The following CFAP53 variants were observed in gnomAD, a reference collection of about 807,000 sequenced individuals.
The protein encoded by CFAP53 is cilia- and flagella-associated protein 53.
In CFAP53, 62 loss-of-function variants were observed where a neutral mutation model predicts 59.7. The ratio of observed to expected loss-of-function variants is 1.04; its 90% CI spans 0.85 to 1.28. The LOEUF is 1.28. CFAP53 is among the 50% of genes most tolerant of loss of function. The probability of loss-of-function intolerance (pLI) is 0.00; values close to 1 mark genes in which losing one functional copy is unlikely to be tolerated. For missense variants in CFAP53, 629 were observed against 615.6 expected, an observed-to-expected ratio of 1.02 and a Z score of -0.23; for synonymous variants, 218 against 205.7, an observed-to-expected ratio of 1.06 and a Z score of -0.51.
At chr18:50,264,454 A>G (rs2033919538) in intron 1 of CFAP53, among the ~76,000 whole-genome samples, 1 of 152,212 alleles carries the variant, frequency 6.6e-6, no homozygotes, top group Non-Finnish European at 1.5e-5. Flanking sequence ...TCACCTGTCA[A>G]ATGAGCAAAA....
At chr18:50,241,288 T>A (rs149305241) in intron 6 of CFAP53, among the ~76,000 whole-genome samples, 1 of 152,262 alleles carries the variant, frequency 6.6e-6, no homozygotes, top group African/African-American at 2.4e-5. Context: ...AAACTTTGAG[T>A]ATGGTCTCCA....
At chr18:50,240,205 C>T (rs183723352) in intron 6 of CFAP53, among the ~76,000 whole-genome samples, 22 of 152,130 alleles carry the variant, frequency 1.4e-4, no homozygotes, top group Admixed American at 1.2e-3. Context: ...AGATTACCTG[C>T]TCCACCCTGA....
intron 4 of CFAP53, 62 bp downstream of exon 4, chr18:50,251,419 C>A: frequency 1.4e-6 from 2 of 1,426,366 alleles, no homozygotes; most frequent in South Asian, 1.3e-5. Flanking sequence ...CTGTAACAGG[C>A]CTGCAAACTG....
rs971346325 is a variant in CFAP53 at position 50,243,034 on chromosome 18, A to G, written c.1079T>C (p.Phe360Ser). The G allele has an allele frequency of 6.2e-7, 1 of 1,613,826 alleles. No homozygotes were observed. Among genetic ancestry groups the G allele is most frequent in the Non-Finnish European group, 8.5e-7 (1 of 1,179,966 alleles). ...REEEKAQEKE[F>S]DRILEEDKAK... ...CTTGTCTTCCTCTAATATTCTGTCA[A>G]ATTCTTTCTCCTGAGCTTTTTCTTC... The change falls in exon 6 of 8, where the codon TTT becomes TCT. Residue 360 changes from phenylalanine to serine, a missense_variant. Transcript: ENST00000398545.
intron 7 of CFAP53, among the ~76,000 whole-genome samples, chr18:50,233,269 C>T (rs1379186785): frequency 6.6e-6 from 1 of 152,142 alleles, no homozygotes; most frequent in East Asian, 1.9e-4. Flanking sequence ...TTTTAAACCT[C>T]CCTTAAAAAT....
chr18:50,250,645 G>A (rs1463016522), intron 5 of CFAP53, 113 bp downstream of exon 5: 12 of 795,142 alleles, frequency 1.5e-5, no homozygotes, highest in Admixed American at 1.5e-4. Flanking sequence ...CTGTTGGCTT[G>A]TGGACCACAC....
At chr18:50,242,818 G>C (rs1053019449) in intron 6 of CFAP53, 82 bp downstream of exon 6, 1 of 1,120,526 alleles carries the variant, frequency 8.9e-7, no homozygotes, top group East Asian at 2.3e-5. Context: ...TACATAATAA[G>C]TATTATGGTT....
chr18:50,256,643 CT>C (rs1279882170), intron 3 of CFAP53, among the ~76,000 whole-genome samples: 1 of 151,994 alleles, frequency 6.6e-6, no homozygotes, highest in African/African-American at 2.4e-5. Context: ...CTTACTTCTC[CT>C]TTTGGCCTCT....
intron 2 of CFAP53, among the ~76,000 whole-genome samples, chr18:50,261,558 G>GT (rs2033894363): frequency 6.6e-6 from 1 of 151,480 alleles, no homozygotes; most frequent in Admixed American, 6.6e-5. Flanking sequence ...ATGCCCAGCT[G>GT]TTTTTTTATT....
chr18:50,248,701 C>T (rs1459013844), intron 5 of CFAP53, among the ~76,000 whole-genome samples: 1 of 150,662 alleles, frequency 6.6e-6, no homozygotes, highest in African/African-American at 2.4e-5. Context: ...AGGAGAATCA[C>T]TTGAACCCGG....
rs1042885979 is a variant in CFAP53, at chr18:50,227,491, C to G, written c.1435G>C (p.Ala479Pro). 3 of 1,614,012 alleles carry G rather than the reference C, an allele frequency of 1.9e-6. No individual in the cohort carries two copies. Residue 479 changes from alanine (A) to proline (P), a missense_variant, in exon 8 of 8, where the codon GCA becomes CCA. Ala to Pro is a conservative substitution (Grantham distance 27). Transcript: ENST00000398545. ...ACCTTGTCCAAACACATCTTGTTTGCTGCTACACCTGCTTCAAACTCTCGG... is the reference window on the plus strand; with the variant it reads ...ACCTTGTCCAAACACATCTTGTTTGGTGCTACACCTGCTTCAAACTCTCGG... ...KRREFEAGVA[A>P]NKMCLDKVQE...
intron 4 of CFAP53, 76 bp from the exon 5 acceptor site, chr18:50,251,052 T>C (rs931814977): frequency 8.1e-7 from 1 of 1,228,402 alleles, no homozygotes; most frequent in Non-Finnish European, 1.2e-6. Context: ...ACTTCAGAGA[T>C]GGGAATAAAG....
intron 5 of CFAP53, among the ~76,000 whole-genome samples, chr18:50,247,630 TAAAC>T (rs996585426): frequency 5.9e-5 from 9 of 152,210 alleles, no homozygotes; most frequent in African/African-American, 2.2e-4. Context: ...TTCAGCCACA[TAAAC>T]AAATAAAATA....
intron 7 of CFAP53, among the ~76,000 whole-genome samples, chr18:50,238,196 G>A (rs1222262696): frequency 6.6e-6 from 1 of 152,168 alleles, no homozygotes; most frequent in Non-Finnish European, 1.5e-5. Flanking sequence ...TAATACTAAT[G>A]TAAAATAATG....
In CFAP53 at chr18:50,250,919, T is replaced by G; in HGVS notation, c.835A>C (p.Lys279Gln). The part of the protein sequence containing the change: ...ENEQDMLKKQ[K>Q]AKQETRTILQ... Reference sequence around the variant, plus strand: ...ATGGTCCTAGTTTCCTGCTTTGCCTTCTGTTTCTTTAGCATATCCTGTTCA... The same window carrying G: ...ATGGTCCTAGTTTCCTGCTTTGCCTGCTGTTTCTTTAGCATATCCTGTTCA... Residue 279 changes from lysine to glutamine, a missense_variant, in exon 5 of 8, where the codon AAG becomes CAG. Transcript: ENST00000398545. 1.2e-6 allele frequency: 2 copies of G among 1,614,242 alleles called. No individual in the cohort carries two copies. The highest frequency in any genetic ancestry group is 1.7e-6 in the Non-Finnish European group (2 of 1,180,046).
intron 3 of CFAP53, among the ~76,000 whole-genome samples, chr18:50,252,154 C>T (rs1026542043): frequency 5.9e-5 from 9 of 151,786 alleles, no homozygotes; most frequent in Non-Finnish European, 1.3e-4. Context: ...CCCAGGCTGG[C>T]GTGCGGTGGC....
rs144867843 is a variant in CFAP53, at chr18:50,236,094, A to C, written c.1316+2509T>G. Reference sequence around the variant, plus strand: ...GTGCAGATAACATACAAAACTCACAAACTTCTGCTTAACATCAAATGTTTC... The same window carrying C: ...GTGCAGATAACATACAAAACTCACACACTTCTGCTTAACATCAAATGTTTC... On this transcript the variant is annotated intron_variant, in intron 7 of 7. Coordinates refer to ENST00000398545, the MANE Select transcript of CFAP53 (RefSeq NM_145020.5). 4.1e-3 allele frequency among the ~76,000 whole-genome samples: 621 copies of C among 152,300 alleles called. 3 individuals are homozygous for C. The highest frequency in any genetic ancestry group is 0.014 in the African/African-American group (588 of 41,550).
intron 4 of CFAP53, among the ~76,000 whole-genome samples, chr18:50,251,271 C>G (rs991514973): frequency 6.6e-6 from 1 of 152,216 alleles, no homozygotes; most frequent in African/African-American, 2.4e-5. Flanking sequence ...CATTCTCCAC[C>G]TGTGGGTGCG....
At chr18:50,227,867 G>A (rs895485665) in intron 7 of CFAP53, among the ~76,000 whole-genome samples, 11 of 151,468 alleles carry the variant, frequency 7.3e-5, no homozygotes, top group Non-Finnish European at 1.5e-4. Flanking sequence ...TGTGGTAATG[G>A]TCCTTGGTTT....
Sources: allele counts gnomAD v4.1 joint callset (sites outside exome capture counted in the v4.1 genomes callset), GRCh38; gene constraint gnomAD v4.1.1; transcripts MANE v1.5; gene names NCBI Gene and HGNC (gene_info 2026-07-23, HGNC 2026-07-21).